Variants in DGKB observed in about 807,000 individuals in gnomAD.
DGKB encodes 90 kDa diacylglycerol kinase.
Under a neutral mutation model 114.3 loss-of-function variants are expected in DGKB, and 67 were observed. The observed-to-expected ratio is 0.59, with a 90% CI of 0.48 to 0.72. The LOEUF is 0.72. Among genes scored for constraint, DGKB ranks in the 30% least tolerant of loss-of-function variants. The probability of loss-of-function intolerance (pLI) is 0.00; values close to 1 mark genes in which losing one functional copy is unlikely to be tolerated. For synonymous variants in DGKB, 398 were observed against 323.1 expected (o/e 1.23, Z -2.49); for missense variants, 907 against 975.2 (o/e 0.93, Z 0.93).
At chr7:14,569,225 G>C (rs1404856732) in intron 20 of DGKB, among the ~76,000 whole-genome samples, 1 of 152,092 alleles carries the variant, frequency 6.6e-6, no homozygotes, top group East Asian at 1.9e-4. Flanking sequence ...TTTCAGGGAG[G>C]AATGCCTCCT....
At chr7:14,396,983 T>A (rs927778393) in intron 21 of DGKB, among the ~76,000 whole-genome samples, 1 of 152,108 alleles carries the variant, frequency 6.6e-6, no homozygotes, top group Non-Finnish European at 1.5e-5. Flanking sequence ...AAAATTATGT[T>A]ATATGGAAAT....
At chr7:14,277,523 GTCTT>G (rs1003782989) in intron 23 of DGKB, among the ~76,000 whole-genome samples, 1 of 152,116 alleles carries the variant, frequency 6.6e-6, no homozygotes, top group African/African-American at 2.4e-5. Context: ...TGCAGTATTT[GTCTT>G]TCTTTGTCTG....
intron 23 of DGKB, among the ~76,000 whole-genome samples, chr7:14,248,609 T>C (rs73069638): frequency 0.044 from 6,638 of 152,188 alleles, 208 homozygotes; most frequent in East Asian, 0.14. Context: ...TTTGATGCTA[T>C]TTTAAATGGA....
At chr7:14,800,254 G>C (rs1200943492) in intron 2 of DGKB, among the ~76,000 whole-genome samples, 2 of 152,196 alleles carry the variant, frequency 1.3e-5, no homozygotes, top group South Asian at 4.1e-4. Context: ...CCTGCTACTA[G>C]GCCCCAGTGT....
intron 2 of DGKB, among the ~76,000 whole-genome samples, chr7:14,762,988 T>C (rs1835919536): frequency 6.6e-6 from 1 of 152,098 alleles, no homozygotes; most frequent in Admixed American, 6.6e-5. Context: ...TGCTTTTGGA[T>C]TGAAGCACAA....
At chr7:14,378,625 C>T (rs996840036) in intron 21 of DGKB, among the ~76,000 whole-genome samples, 2 of 152,116 alleles carry the variant, frequency 1.3e-5, no homozygotes, top group Non-Finnish European at 2.9e-5. Context: ...AACACCTCTC[C>T]TAGCTACATT....
chr7:14,648,491 C>G (rs1813658867), intron 13 of DGKB, among the ~76,000 whole-genome samples: 1 of 132,336 alleles, frequency 7.6e-6, no homozygotes, highest in African/African-American at 2.7e-5. Flanking sequence ...AAAAACCCAT[C>G]TGTACATCAC....
intron 20 of DGKB, among the ~76,000 whole-genome samples, chr7:14,512,252 G>A (rs752563148): frequency 6.6e-6 from 1 of 152,124 alleles, no homozygotes; most frequent in Non-Finnish European, 1.5e-5. Flanking sequence ...TGCAAAACAT[G>A]AAACACAATC....
At position 14,720,473 on chromosome 7, in the gene DGKB, T is replaced by G. The variant is rs796216688; in HGVS notation, c.323-1788A>C. ...GTGCGGGACACCACGCCCGGCTGAT[T>G]TGTGTGTGTGTGTGTGTGTGTGTGT... On this transcript the variant is annotated intron_variant, in intron 5 of 25. Transcript: ENST00000402815. Among the ~76,000 whole-genome samples the G allele has an allele frequency of 3.2e-3, 433 of 136,554 alleles. 2 individuals are homozygous for G. The highest frequency in any genetic ancestry group is 5.0e-3 in the South Asian group (21 of 4,180). The allele number at this position is 136,554 out of a possible 152,430, so 89.6% of individuals were successfully genotyped here.
At chr7:14,219,142 A>G (rs552892118) in intron 23 of DGKB, among the ~76,000 whole-genome samples, 7 of 151,858 alleles carry the variant, frequency 4.6e-5, no homozygotes, top group Non-Finnish European at 1.0e-4. Context: ...TTGTATGAAT[A>G]TACCATATTT....
chr7:14,660,255 G>A (rs958435636), intron 13 of DGKB, among the ~76,000 whole-genome samples: 246 of 152,054 alleles, frequency 1.6e-3, no homozygotes, highest in African/African-American at 5.3e-3. Context: ...CATCAAATGA[G>A]TTAGGGAGGA....
chr7:14,347,851 T>C (rs990387734), intron 21 of DGKB, among the ~76,000 whole-genome samples: 3 of 152,092 alleles, frequency 2.0e-5, no homozygotes, highest in African/African-American at 4.8e-5. Context: ...TCACAATATA[T>C]GAAAACATAA....
rs551034595 is a variant in DGKB, at chr7:14,631,159, G to C, written c.1135-891C>G. Among the ~76,000 whole-genome samples the C allele has an allele frequency of 2.6e-5, 4 of 151,204 alleles. No individual in the cohort carries two copies. The South Asian group carries it at 8.4e-4, about 32-fold the overall frequency. On this transcript the variant is annotated intron_variant, in intron 13 of 25. Transcript: ENST00000402815. ...CCCTAGATACGAGCTATCTGAGGGA[G>C]GGTCTGGGCAGTGCTAGATCACCAA...
chr7:14,370,045 G>T (rs1817376763), intron 21 of DGKB, among the ~76,000 whole-genome samples: 2 of 152,142 alleles, frequency 1.3e-5, no homozygotes, highest in African/African-American at 4.8e-5. Context: ...GAATGGTATT[G>T]CCTAGGTTTT....
At chr7:14,320,290 G>A (rs964175878) in intron 23 of DGKB, among the ~76,000 whole-genome samples, 20 of 152,040 alleles carry the variant, frequency 1.3e-4, no homozygotes, top group Non-Finnish European at 1.5e-4. Flanking sequence ...TGACTTGGTT[G>A]GTCTAACAAA....
chr7:14,803,241 T>C (rs1025361696), intron 2 of DGKB, among the ~76,000 whole-genome samples: 1 of 152,134 alleles, frequency 6.6e-6, no homozygotes, highest in Non-Finnish European at 1.5e-5. Flanking sequence ...AGCACCAGTC[T>C]TGAGCAAACA....
Position 14,914,130 on chromosome 7 carries a change from A to G in DGKB, c.-188+60566T>C, listed in dbSNP as rs150423400. ...ATTTTGAAATAAGTCCATAGTATTTATAATGAAGAATTGCTCTCAAGAGAA... is the reference window on the plus strand; with the variant it reads ...ATTTTGAAATAAGTCCATAGTATTTGTAATGAAGAATTGCTCTCAAGAGAA... On this transcript the variant is annotated intron_variant, in intron 1 of 4. Transcript: ENST00000437998. Among the ~76,000 whole-genome samples the G allele has an allele frequency of 1.9e-3, 289 of 152,302 alleles. 2 individuals carry two copies. Among genetic ancestry groups the G allele is most frequent in the Non-Finnish European group, 3.5e-3 (236 of 68,012 alleles).
intron 15 of DGKB, among the ~76,000 whole-genome samples, chr7:14,619,987 G>C (rs552312845): frequency 6.6e-6 from 1 of 151,632 alleles, no homozygotes; most frequent in South Asian, 2.1e-4. Flanking sequence ...CAGGAACCCA[G>C]AGTAGCTGAA....
intron 23 of DGKB, among the ~76,000 whole-genome samples, chr7:14,305,191 T>C (rs1438742928): frequency 1.3e-5 from 2 of 152,142 alleles, no homozygotes; most frequent in Non-Finnish European, 2.9e-5. Flanking sequence ...TATTGTTAAC[T>C]CTAGTCACCC....
Sources: allele counts gnomAD v4.1 joint callset (sites outside exome capture counted in the v4.1 genomes callset), GRCh38; gene constraint gnomAD v4.1.1; transcripts MANE v1.5; gene names NCBI Gene and HGNC (gene_info 2026-07-23, HGNC 2026-07-21).